The following XIRP1 variants were observed in gnomAD, a reference collection of about 807,000 sequenced individuals.
XIRP1 encodes the protein xin actin-binding repeat-containing protein 1.
For missense variants in XIRP1, 2,378 were observed against 2,345.4 expected (o/e 1.01, Z -0.29); for synonymous variants, 984 against 947.0 (o/e 1.04, Z -0.72).
At position 39,189,187 on chromosome 3, in the gene XIRP1, T is replaced by C; in HGVS notation, c.259A>G (p.Thr87Ala). The C allele has an allele frequency of 1.9e-6, 3 of 1,614,152 alleles. No individual in the cohort carries two copies. The highest frequency in any genetic ancestry group is 2.5e-6 in the Non-Finnish European group (3 of 1,180,032). ...CGCATGCACTGAACGTCACCCTCGG[T>C]GGGTTCCTCAGAGCCCAGGACCTCA... ...LAEVLGSEEP[T>A]EGDVQCMRWI... Residue 87 changes from threonine to alanine, a missense_variant, in exon 2 of 2, where the codon ACC becomes GCC. By Grantham distance (58) the Thr-to-Ala change is moderately conservative (BLOSUM62 0). Coordinates refer to ENST00000340369, the MANE Select transcript of XIRP1 (RefSeq NM_194293.4).
rs35271617 is a variant in XIRP1, at chr3:39,185,927, G to C, written c.3519C>G (p.Leu1173=). The C allele has an allele frequency of 8.7e-6, 14 of 1,613,854 alleles. No homozygotes were observed. The East Asian group carries it at 8.9e-5, about 10-fold the overall frequency. The change falls in exon 2 of 2, where the codon CTC becomes CTG. Residue 1173 remains leucine (L), a synonymous_variant. Coordinates refer to ENST00000340369, the MANE Select transcript of XIRP1 (RefSeq NM_194293.4). Reference sequence around the variant, plus strand: ...GGAGTGGGCGGGGAGCCTGGACTGAGAGGGCAGTCTCCCTGTGCCTTGACT... The same window carrying C: ...GGAGTGGGCGGGGAGCCTGGACTGACAGGGCAGTCTCCCTGTGCCTTGACT... ...EPQSRHRETA[L]SVQAPRPLQG...
chr3:39,185,534 AG>A lies in XIRP1; in HGVS notation c.3911del (p.Pro1304LeufsTer30), dbSNP rs1476996713. 5 of 1,560,922 alleles carry A rather than the reference AG, an allele frequency of 3.2e-6. No homozygotes were observed. In the African/African-American group the frequency reaches 6.8e-5, roughly 21 times the overall value. ...TTGGGGTCTTTGTCTGTGACCCTCC[AG>A]GGGTTCTCTGGCCAGCAGGGCTGCT... ...SHSSPAGQRT[P>X]GGSQTKTPKL... On this transcript the variant is annotated frameshift_variant, in exon 2 of 2. Transcript: ENST00000340369. LOFTEE classifies it low-confidence loss of function (END_TRUNC).
At position 39,187,052 on chromosome 3, in the gene XIRP1, C is replaced by G. The variant is rs774949639; in HGVS notation, c.2394G>C (p.Gly798=). The G allele has an allele frequency of 6.2e-7, 1 of 1,612,568 alleles. No individual in the cohort carries two copies. The highest frequency in any genetic ancestry group is 1.7e-5 in the Admixed American group (1 of 60,004). The change falls in exon 2 of 2, where the codon GGG becomes GGC. Residue 798 remains glycine (G), a synonymous_variant. Transcript: ENST00000340369. ...GGILMEARGP[G]ELCLAKYVLS... ...GCACATACTTGGCAAGACAGAGCTC[C>G]CCTGGCCCTCGGGCCTCCATGAGGA...
At position 39,189,462 on chromosome 3, in the gene XIRP1, G is replaced by T. The variant is rs1438863692; in HGVS notation, c.-17C>A. 3 of 1,565,542 alleles carry T rather than the reference G, an allele frequency of 1.9e-6. No individual in the cohort carries two copies. Among genetic ancestry groups the T allele is most frequent in the Non-Finnish European group, 1.7e-6 (2 of 1,156,040 alleles). The stretch of plus-strand genomic sequence containing the variant: ...GTCGGCCATCCTTCTGAGAAGAAGG[G>T]GCAGAGATGAGGATGGGATTGGGAG... On this transcript the variant is annotated 5_prime_UTR_variant, in exon 2 of 2. Coordinates refer to ENST00000340369, the MANE Select transcript of XIRP1 (RefSeq NM_194293.4).
Position 39,184,434 on chromosome 3 carries a change from G to T in XIRP1, c.5012C>A (p.Thr1671Lys). ...PSSRDSPSSP[T>K]FISIQSATRK... ...TGTGGCCGACTGGATGGAGATAAAT[G>T]TTGGGGAGGAGGGAGAATCTCGGCT... The change falls in exon 2 of 2, where the codon ACA becomes AAA. Residue 1671 changes from threonine to lysine, a missense_variant. Physicochemically the swap from Thr to Lys is moderately conservative, Grantham distance 78 (BLOSUM62 -1). Transcript: ENST00000340369. The T allele has an allele frequency of 6.2e-7, 1 of 1,614,202 alleles. No homozygotes were observed. The highest frequency in any genetic ancestry group is 8.5e-7 in the Non-Finnish European group (1 of 1,180,034).
At position 39,188,588 on chromosome 3, in the gene XIRP1, G is replaced by A. The variant is rs1292893567; in HGVS notation, c.858C>T (p.Ser286=). 2 of 1,613,686 alleles carry A rather than the reference G, an allele frequency of 1.2e-6. No individual in the cohort carries two copies. Among genetic ancestry groups the A allele is most frequent in the East Asian group, 2.2e-5 (1 of 44,880 alleles). ...RPLDAINQDP[S]QVRVIRGISL... ...AAATCCCCCGGATCACCCGCACCTG[G>A]CTGGGGTCCTGGTTGATGGCGTCCA... is the stretch of plus-strand genomic sequence containing the variant. Residue 286 remains serine (S), a synonymous_variant, in exon 2 of 2, where the codon AGC becomes AGT. Transcript: ENST00000340369.
Position 39,187,902 on chromosome 3 carries a change from A to G in XIRP1, c.1544T>C (p.Met515Thr), listed in dbSNP as rs779393960. ...VGGDVQGYRW[M>T]FETQPLDQLG... is the part of the protein sequence containing the mutation. ...CTGGTCTAGGGGCTGTGTCTCAAAC[A>G]TCCACCTGTAGCCCTGCACATCACC... The change falls in exon 2 of 2, where the codon ATG becomes ACG. Residue 515 changes from methionine to threonine, a missense_variant. Coordinates refer to ENST00000340369, the MANE Select transcript of XIRP1 (RefSeq NM_194293.4). 30 of 1,614,026 alleles carry G rather than the reference A, an allele frequency of 1.9e-5. No homozygotes were observed. The African/African-American group carries it at 3.1e-4, about 17-fold the overall frequency.
Position 39,185,266 on chromosome 3 carries a change from G to A in XIRP1, c.4180C>T (p.His1394Tyr). Residue 1394 changes from histidine to tyrosine, a missense_variant, in exon 2 of 2, where the codon CAT becomes TAT. By Grantham distance (83) the His-to-Tyr change is moderately conservative. Coordinates refer to ENST00000340369, the MANE Select transcript of XIRP1 (RefSeq NM_194293.4). ...HIPLARCPSG[H>Y]SQPSLQHGLS... ...CCATGTTGTAAGCTGGGCTGGCTAT[G>A]TCCACTGGGACATCTGGCCAGAGGT... 6.2e-7 allele frequency: 1 copy of A among 1,614,220 alleles called. No homozygotes were observed. The highest frequency in any genetic ancestry group is 8.5e-7 in the Non-Finnish European group (1 of 1,180,032).
chr3:39,188,100 G>A lies in XIRP1; in HGVS notation c.1346C>T (p.Pro449Leu). Residue 449 changes from proline to leucine, a missense_variant, in exon 2 of 2, where the codon CCC (proline) becomes CTC (leucine). Physicochemically the swap from Pro to Leu is moderately conservative, Grantham distance 98. Transcript: ENST00000340369. ...KTFKNLFETL[P>L]LDSIGQGEVL... ...CTCACCCTGTCCAATGCTGTCCAAGGGAAGGGTCTCAAAAAGGTTCTTAAA... is the reference window on the plus strand; with the variant it reads ...CTCACCCTGTCCAATGCTGTCCAAGAGAAGGGTCTCAAAAAGGTTCTTAAA... The A allele has an allele frequency of 6.2e-7, 1 of 1,614,172 alleles. No homozygotes were observed. Among genetic ancestry groups the A allele is most frequent in the South Asian group, 1.1e-5 (1 of 91,082 alleles).
chr3:39,186,047 C>A lies in XIRP1; in HGVS notation c.3399G>T (p.Gly1133=), dbSNP rs1355017822. The part of the protein sequence containing the change: ...EEQALPRGLP[G]GWVTIQDGIY... Reference sequence around the variant, plus strand: ...TGCCATCCTGAATTGTCACCCACCCCCCAGGCAGCCCTCTGGGTAGTGCTT... The same window carrying A: ...TGCCATCCTGAATTGTCACCCACCCACCAGGCAGCCCTCTGGGTAGTGCTT... Residue 1133 remains glycine, a synonymous_variant, in exon 2 of 2, where the codon GGG becomes GGT. Coordinates refer to ENST00000340369, the MANE Select transcript of XIRP1 (RefSeq NM_194293.4). The A allele has an allele frequency of 1.9e-6, 3 of 1,613,774 alleles. No individual in the cohort carries two copies. Among genetic ancestry groups the A allele is most frequent in the Non-Finnish European group, 2.5e-6 (3 of 1,179,936 alleles).
Position 39,189,477 on chromosome 3 carries a change from G to A in XIRP1, c.-32C>T. On this transcript the variant is annotated 5_prime_UTR_variant, in exon 2 of 2. Coordinates refer to ENST00000340369, the MANE Select transcript of XIRP1 (RefSeq NM_194293.4). ...GAGAAGAAGGGGCAGAGATGAGGAT[G>A]GGATTGGGAGCCTTAGATCTAGATG... 6.5e-7 allele frequency: 1 copy of A among 1,545,122 alleles called. No homozygotes were observed. The highest frequency in any genetic ancestry group is 2.3e-5 in the East Asian group (1 of 44,388).
intron 1 of XIRP1, among the ~76,000 whole-genome samples, chr3:39,190,233 G>A (rs11712101): frequency 0.31 from 47,767 of 152,100 alleles, 9,143 homozygotes; most frequent in East Asian, 0.57. Context: ...GAGCTAGGGG[G>A]ATCTCAAAGG....
chr3:39,183,574 G>T lies in XIRP1; in HGVS notation c.*340C>A, dbSNP rs2039902044. 7.2e-6 allele frequency: 2 copies of T among 276,264 alleles called. No individual in the cohort carries two copies. Among genetic ancestry groups the T allele is most frequent in the South Asian group, 1.5e-4 (2 of 13,108 alleles). 17.1% of individuals were successfully genotyped at this position (276,264 alleles called of 1,614,324 possible). A position where few individuals can be genotyped will look rare whatever the true frequency, so the allele number is the denominator to read the frequency against. ...GACACTCTGGGGGGCTCCAATTCAG[G>T]CAGTGGTGTGCAAATTCACACATGT... On this transcript the variant is annotated 3_prime_UTR_variant, in exon 2 of 2. Transcript: ENST00000340369.
In XIRP1 at chr3:39,185,846, T is replaced by C; in HGVS notation, c.3600A>G (p.Thr1200=). ...TCCCTGGTGGCCCCCAGGCCATCTG[T>C]GTGCAGCCCCCAGGCTCCTCCCGCC... is the stretch of plus-strand genomic sequence containing the variant. ...GPGREEPGGC[T]QMAWGPPGKA... is the part of the protein sequence containing the mutation. Residue 1200 remains threonine, a synonymous_variant, in exon 2 of 2, where the codon ACA becomes ACG. Coordinates refer to ENST00000340369, the MANE Select transcript of XIRP1 (RefSeq NM_194293.4). The C allele has an allele frequency of 6.2e-7, 1 of 1,613,614 alleles. No individual in the cohort carries two copies. The highest frequency in any genetic ancestry group is 8.5e-7 in the Non-Finnish European group (1 of 1,179,834).
rs768817675 is a variant in XIRP1 at position 39,187,527 on chromosome 3, C to A, written c.1919G>T (p.Gly640Val). ...AACCTGCAGGTGCTGCTCCCTGGAG[C>A]CCACTGGCCTGTCCACAGGTTGGGG... ...FKPQPVDRPV[G>V]SREQHLQVSQ... is the part of the protein sequence containing the mutation. Residue 640 changes from glycine to valine, a missense_variant, in exon 2 of 2, where the codon GGC becomes GTC. Transcript: ENST00000340369. 4 of 1,614,030 alleles carry A rather than the reference C, an allele frequency of 2.5e-6. No homozygotes were observed. The highest frequency in any genetic ancestry group is 3.4e-6 in the Non-Finnish European group (4 of 1,180,050).
rs778601141 is a variant in XIRP1, at chr3:39,184,202, A to C, written c.5244T>G (p.Ser1748Arg). Residue 1748 changes from serine to arginine, a missense_variant, in exon 2 of 2, where the codon AGT becomes AGG. By Grantham distance (110) the Ser-to-Arg change is moderately radical. Transcript: ENST00000340369. Reference sequence around the variant, plus strand: ...CTGGCCCCGTCTGTAGCTCCAGAACACTCTTTTGCCACCCTCTGGGCAGGG... The same window carrying C: ...CTGGCCCCGTCTGTAGCTCCAGAACCCTCTTTTGCCACCCTCTGGGCAGGG... ...ASPLPRGWQKSVLELQTGPGS... is the reference protein window; with the variant it reads ...ASPLPRGWQKRVLELQTGPGS... The C allele has an allele frequency of 1.2e-6, 2 of 1,613,792 alleles. No individual in the cohort carries two copies.
chr3:39,188,843 G>T lies in XIRP1; in HGVS notation c.603C>A (p.Asp201Glu), dbSNP rs762786047. The T allele has an allele frequency of 1.2e-6, 2 of 1,612,666 alleles. No individual in the cohort carries two copies. Among genetic ancestry groups the T allele is most frequent in the Non-Finnish European group, 1.7e-6 (2 of 1,180,024 alleles). ...TRMLFETRPL[D>E]RLGSRPSLQE... ...GCAGGGAGGGGCGGGAGCCCAGGCG[G>T]TCCAGCGGCCGCGTCTCAAAGAGCA... Residue 201 changes from aspartate (D) to glutamate (E), a missense_variant, in exon 2 of 2, where the codon GAC (aspartate) becomes GAA (glutamate). Coordinates refer to ENST00000340369, the MANE Select transcript of XIRP1 (RefSeq NM_194293.4).
At chr3:39,191,400 CACAG>C (rs2040087375) in intron 1 of XIRP1, among the ~76,000 whole-genome samples, 1 of 149,540 alleles carries the variant, frequency 6.7e-6, no homozygotes, top group African/African-American at 2.5e-5. Flanking sequence ...CTGCTAAGGC[CACAG>C]ACAGTTATTA....
chr3:39,187,838 G>T lies in XIRP1; in HGVS notation c.1608C>A (p.Gly536=), dbSNP rs1228918521. ...CAGCCACCACTTCCTGCCGGGTGATGCCCCGCACCACGTCGATGGTACTGG... is the reference window on the plus strand; with the variant it reads ...CAGCCACCACTTCCTGCCGGGTGATTCCCCGCACCACGTCGATGGTACTGG... ...RSPSTIDVVR[G]ITRQEVVAGD... is the part of the protein sequence containing the mutation. Residue 536 remains glycine (G), a synonymous_variant, in exon 2 of 2, where the codon GGC becomes GGA. Transcript: ENST00000340369. 1.9e-6 allele frequency: 3 copies of T among 1,614,134 alleles called. No homozygotes were observed. Among genetic ancestry groups the T allele is most frequent in the Non-Finnish European group, 2.5e-6 (3 of 1,180,034 alleles).
Sources: allele counts gnomAD v4.1 joint callset (sites outside exome capture counted in the v4.1 genomes callset), GRCh38; gene constraint gnomAD v4.1.1; transcripts MANE v1.5; gene names NCBI Gene and HGNC (gene_info 2026-07-23, HGNC 2026-07-21).